RFX2: variants seen among roughly 807,000 people sequenced by gnomAD.
The protein encoded by RFX2 is regulatory factor X2, also known as DNA-binding protein RFX2.
RFX2 carries 20 observed loss-of-function variants against 87.8 expected under a neutral mutation model. The observed-to-expected ratio is 0.23, with a 90% CI of 0.16 to 0.33. The LOEUF is 0.33. RFX2 is among the 10% of genes least tolerant of loss of function. RFX2 has a pLI of 1.00. For synonymous variants in RFX2, 397 were observed against 431.3 expected, an observed-to-expected ratio of 0.92 and a Z score of 0.98; for missense variants, 767 against 1,012.3, an observed-to-expected ratio of 0.76 and a Z score of 3.29.
intron 13 of RFX2, among the ~76,000 whole-genome samples, chr19:6,003,326 A>G (rs927247994): frequency 1.3e-5 from 2 of 151,924 alleles, no homozygotes; most frequent in African/African-American, 4.8e-5. Context: ...CTGTCTCCCA[A>G]AGTGCTGGGA....
chr19:6,009,255 C>A (rs2086629056), intron 9 of RFX2, among the ~76,000 whole-genome samples: 2 of 152,166 alleles, frequency 1.3e-5, no homozygotes, highest in Admixed American at 6.5e-5. Context: ...CAAAAAAGAT[C>A]ATAAACGACA....
In RFX2 at chr19:6,004,175, G is replaced by A. The variant is rs1225243567; in HGVS notation, c.1500+26C>T. On this transcript the variant is annotated intron_variant, in intron 13 of 17. Coordinates refer to ENST00000303657, the MANE Select transcript of RFX2 (RefSeq NM_000635.4). This position sits in a 1 kb window ranked among gnomAD's most constrained non-coding sequence, Gnocchi z 4.8. ...GGAGCCCCTCCCAGCCATCGTTGGG[G>A]AGCCCAGGCCCCACCCCGGACGCAC... 6.3e-7 allele frequency: 1 copy of A among 1,577,114 alleles called. No homozygotes were observed. The highest frequency in any genetic ancestry group is 8.7e-7 in the Non-Finnish European group (1 of 1,146,278).
intron 15 of RFX2, among the ~76,000 whole-genome samples, chr19:6,000,381 C>G (rs1244140612): frequency 2.6e-5 from 4 of 152,228 alleles, no homozygotes; most frequent in African/African-American, 9.6e-5. Context: ...TGTAGCTGAT[C>G]TGTGAATTAA....
At position 6,022,399 on chromosome 19, in the gene RFX2, C is replaced by T. The variant is rs950907616; in HGVS notation, c.597+3764G>A. 3.3e-5 allele frequency among the ~76,000 whole-genome samples: 5 copies of T among 152,198 alleles called. No individual in the cohort carries two copies. The highest frequency in any genetic ancestry group is 6.5e-5 in the Admixed American group (1 of 15,286). On this transcript the variant is annotated intron_variant, in intron 6 of 17. Coordinates refer to ENST00000303657, the MANE Select transcript of RFX2 (RefSeq NM_000635.4). This position sits in a 1 kb window ranked among gnomAD's most constrained non-coding sequence, Gnocchi z 6.2. ...AGCAAAAAGTCACATAACCCAAATACGACTCTTCCACACGCAGCTCTCTCC... is the reference window on the plus strand; with the variant it reads ...AGCAAAAAGTCACATAACCCAAATATGACTCTTCCACACGCAGCTCTCTCC...
chr19:6,035,519 G>A (rs1023230722), intron 5 of RFX2, among the ~76,000 whole-genome samples: 1 of 152,124 alleles, frequency 6.6e-6, no homozygotes, highest in African/African-American at 2.4e-5. Flanking sequence ...GAGAAAATTG[G>A]TCACCAAGAG....
At chr19:6,009,989 G>A (rs1347879948) in intron 9 of RFX2, 147 bp downstream of exon 9, 5 of 501,196 alleles carry the variant, frequency 1.0e-5, no homozygotes, top group Non-Finnish European at 1.4e-5. Flanking sequence ...AAGGTTTATC[G>A]AAAACTTTCT....
In RFX2 at chr19:5,993,444, G is replaced by A. The variant is rs1400485384; in HGVS notation, c.*1391C>T. The A allele has an allele frequency of 1.3e-5, 2 of 152,230 alleles. No homozygotes were observed. Among genetic ancestry groups the A allele is most frequent in the East Asian group, 3.8e-4 (2 of 5,198 alleles). The allele number at this position is 152,230 out of a possible 1,614,324, so 9.4% of individuals were successfully genotyped here. A position where few individuals can be genotyped will look rare whatever the true frequency, so the allele number is the denominator to read the frequency against. On this transcript the variant is annotated 3_prime_UTR_variant, in exon 18 of 18. Coordinates refer to ENST00000303657, the MANE Select transcript of RFX2 (RefSeq NM_000635.4). ...CTGAGCTCCTGCGGGCGGGGAAGTA[G>A]GTTTTTAAAGGCCACGTGAGCTGAC...
chr19:6,105,372 G>GCTT lies in RFX2; in HGVS notation c.-9+5018_-9+5020dup, dbSNP rs1016674835. Among the ~76,000 whole-genome samples the GCTT allele has an allele frequency of 9.2e-5, 14 of 152,200 alleles. No individual in the cohort carries two copies. In the East Asian group the frequency reaches 2.5e-3, roughly 27 times the overall value. ...AGCCCTCCAAATACCTGGGCAAAGA[G>GCTT]CTTTCCAGGCAGAGCTGGAATGAGC... On this transcript the variant is annotated intron_variant, in intron 1 of 17. Transcript: ENST00000303657.
At chr19:6,005,103 C>G (rs2086562757) in intron 12 of RFX2, among the ~76,000 whole-genome samples, 1 of 152,090 alleles carries the variant, frequency 6.6e-6, no homozygotes, top group African/African-American at 2.4e-5. Flanking sequence ...GAGCAAAACT[C>G]TGTCTTAAAA....
At chr19:6,096,908 C>T (rs2088038572) in intron 1 of RFX2, among the ~76,000 whole-genome samples, 1 of 152,146 alleles carries the variant, frequency 6.6e-6, no homozygotes, top group South Asian at 2.1e-4. Flanking sequence ...GCTGGAAGCA[C>T]CAGATTTGGA....
At chr19:6,033,698 G>A (rs1394830565) in intron 5 of RFX2, among the ~76,000 whole-genome samples, 4 of 145,162 alleles carry the variant, frequency 2.8e-5, no homozygotes, top group African/African-American at 7.7e-5. Context: ...CCCATGGAAC[G>A]CATACCACCA....
At chr19:6,041,251 C>T (rs1013939528) in intron 4 of RFX2, among the ~76,000 whole-genome samples, 1 of 152,078 alleles carries the variant, frequency 6.6e-6, no homozygotes, top group Non-Finnish European at 1.5e-5. Flanking sequence ...GCCACAGTGG[C>T]TGGGGTTAGA....
chr19:6,099,539 G>C (rs1470082102), intron 1 of RFX2, among the ~76,000 whole-genome samples: 1 of 151,722 alleles, frequency 6.6e-6, no homozygotes, highest in African/African-American at 2.4e-5. Context: ...AAGAACTGAA[G>C]GTTTACCATC....
At chr19:6,079,531 G>C (rs2087746127) in intron 1 of RFX2, among the ~76,000 whole-genome samples, 1 of 152,160 alleles carries the variant, frequency 6.6e-6, no homozygotes, top group Non-Finnish European at 1.5e-5. Flanking sequence ...ATGGGGCCAG[G>C]GTCTGACTAC....
intron 1 of RFX2, among the ~76,000 whole-genome samples, chr19:6,084,008 T>A (rs1019322088): frequency 6.6e-6 from 1 of 152,126 alleles, no homozygotes; most frequent in African/African-American, 2.4e-5. Context: ...CCAGACCTCT[T>A]GGGCAGGGAG....
intron 1 of RFX2, among the ~76,000 whole-genome samples, chr19:6,100,398 G>T (rs947228180): frequency 6.6e-6 from 1 of 152,208 alleles, no homozygotes; most frequent in Admixed American, 6.5e-5. Context: ...AAGAGGAAGA[G>T]ATCAGTAAGA....
rs1010655288 is a variant in RFX2 at position 6,049,284 on chromosome 19, C to G, written c.-8-1780G>C. 7 of 152,334 alleles carry G rather than the reference C, an allele frequency of 4.6e-5. No individual in the cohort carries two copies. In the South Asian group the frequency reaches 1.0e-3, roughly 23 times the overall value. 9.4% of individuals were successfully genotyped at this position (152,334 alleles called of 1,614,324 possible). A position where few individuals can be genotyped will look rare whatever the true frequency, so the allele number is the denominator to read the frequency against. ...ACTAGGAGATAATTTGACTAGAACT[C>G]TTTGTGAAAGGAGTCCACCAGTGAT... On this transcript the variant is annotated intron_variant, in intron 1 of 17. Coordinates refer to ENST00000303657, the MANE Select transcript of RFX2 (RefSeq NM_000635.4).
At position 5,997,416 on chromosome 19, in the gene RFX2, G is replaced by GCTGT; in HGVS notation, c.1860-204_1860-203insACAG. ...CCCACGTGACGGACAGGTGGGGCCG[G>GCTGT]CCTGCGCGCTCAGTTCCAGAGACCA... On this transcript the variant is annotated intron_variant, in intron 15 of 17. Transcript: ENST00000303657. This position sits in a 1 kb window ranked among gnomAD's most constrained non-coding sequence, Gnocchi z 4.2. 1.7e-6 allele frequency: 1 copy of GCTGT among 580,036 alleles called. No homozygotes were observed. The highest frequency in any genetic ancestry group is 3.0e-6 in the Non-Finnish European group (1 of 336,944). The allele number at this position is 580,036 out of a possible 1,614,324, so 35.9% of individuals were successfully genotyped here.
At chr19:6,105,645 G>C (rs971042789) in intron 1 of RFX2, among the ~76,000 whole-genome samples, 1 of 152,158 alleles carries the variant, frequency 6.6e-6, no homozygotes, top group African/African-American at 2.4e-5. Context: ...AGCACCAGTG[G>C]TGGAATCATC....
Sources: allele counts gnomAD v4.1 joint callset (sites outside exome capture counted in the v4.1 genomes callset), GRCh38; gene constraint gnomAD v4.1.1; non-coding constraint Gnocchi (gnomAD v3.1); transcripts MANE v1.5; gene names NCBI Gene and HGNC (gene_info 2026-07-23, HGNC 2026-07-21).